Variants in SLC41A2 observed in about 807,000 individuals in gnomAD.
SLC41A2 encodes the protein SLC41A1-like 1.
A neutral mutation model predicts 58.3 loss-of-function variants in SLC41A2; 32 were observed. That is an observed-to-expected ratio of 0.55 (90% CI 0.41 to 0.74). SLC41A2 has a LOEUF of 0.74. SLC41A2 is among the 30% of genes least tolerant of loss of function. The pLI is 0.00. For missense variants in SLC41A2, 514 were observed against 680.6 expected (o/e 0.76, Z 2.72); for synonymous variants, 190 against 235.0 (o/e 0.81, Z 1.75).
chr12:104,898,930 T>C (rs75935712), intron 3 of SLC41A2, among the ~76,000 whole-genome samples: 25 of 152,100 alleles, frequency 1.6e-4, no homozygotes, highest in Non-Finnish European at 3.4e-4. Flanking sequence ...AAGATAGCAC[T>C]ACACACCTAT....
intron 1 of SLC41A2, among the ~76,000 whole-genome samples, chr12:104,946,072 T>A (rs559503045): frequency 5.9e-5 from 9 of 152,356 alleles, no homozygotes; most frequent in East Asian, 1.9e-4. Context: ...AAAATTTTTT[T>A]ATCTTTTTTG....
chr12:104,956,494 C>G (rs2048172205), intron 1 of SLC41A2, among the ~76,000 whole-genome samples: 1 of 152,170 alleles, frequency 6.6e-6, no homozygotes, highest in African/African-American at 2.4e-5. Context: ...ACCTGGCCAA[C>G]ATGGTGAAAC....
chr12:104,886,554 A>C, intron 5 of SLC41A2, 115 bp from the exon 6 acceptor site: 1 of 1,080,792 alleles, frequency 9.3e-7, no homozygotes, highest in South Asian at 1.7e-5. Flanking sequence ...TAGACTGCTT[A>C]GATAAGCTGA....
intron 6 of SLC41A2, among the ~76,000 whole-genome samples, chr12:104,884,153 G>T (rs2044535027): frequency 6.6e-6 from 1 of 152,250 alleles, no homozygotes; most frequent in Admixed American, 6.5e-5. Context: ...CAAGCCAAGT[G>T]TGGGATATAA....
At chr12:104,866,341 A>C in intron 7 of SLC41A2, 91 bp downstream of exon 7, 3 of 1,359,406 alleles carry the variant, frequency 2.2e-6, no homozygotes, top group South Asian at 2.3e-5. Flanking sequence ...ATATGCATGT[A>C]CATATATGCT....
chr12:104,845,831 A>G lies in SLC41A2; in HGVS notation c.1387+12T>C. 1 of 1,599,222 alleles carries G rather than the reference A, an allele frequency of 6.3e-7. No homozygotes were observed. Among genetic ancestry groups the G allele is most frequent in the South Asian group, 1.1e-5 (1 of 88,474 alleles). ...CTTGATCTAAAATATGCAAAAATCCATAAGCACATACCTGGACCAAAGAAA... is the reference window on the plus strand; with the variant it reads ...CTTGATCTAAAATATGCAAAAATCCGTAAGCACATACCTGGACCAAAGAAA... On this transcript the variant is annotated intron_variant, in intron 9 of 10. Transcript: ENST00000258538.
intron 4 of SLC41A2, among the ~76,000 whole-genome samples, chr12:104,894,588 C>A (rs947303673): frequency 2.6e-5 from 4 of 152,104 alleles, no homozygotes; most frequent in African/African-American, 9.7e-5. Flanking sequence ...ACATGAAATT[C>A]TGTTCCTGCA....
intron 2 of SLC41A2, among the ~76,000 whole-genome samples, chr12:104,925,910 A>C (rs926470297): frequency 1.4e-4 from 21 of 152,222 alleles, no homozygotes; most frequent in African/African-American, 5.1e-4. Flanking sequence ...TACTATAAGA[A>C]CCTAAAACAA....
At chr12:104,950,427 C>T (rs1436601438) in intron 1 of SLC41A2, among the ~76,000 whole-genome samples, 2 of 152,212 alleles carry the variant, frequency 1.3e-5, no homozygotes, top group Non-Finnish European at 2.9e-5. Context: ...CTTTGCTTCC[C>T]CTTCGCCTTC....
intron 4 of SLC41A2, among the ~76,000 whole-genome samples, chr12:104,893,937 A>G (rs1038486349): frequency 1.3e-5 from 2 of 151,914 alleles, no homozygotes; most frequent in Non-Finnish European, 2.9e-5. Flanking sequence ...CTAGTATTTG[A>G]TAGCATAACA....
chr12:104,810,231 G>A (rs1230728716), intron 10 of SLC41A2, among the ~76,000 whole-genome samples: 1 of 152,080 alleles, frequency 6.6e-6, no homozygotes, highest in African/African-American at 2.4e-5. Flanking sequence ...AACAAGTTAT[G>A]CAGTAAACTC....
At position 104,853,920 on chromosome 12, in the gene SLC41A2, T is replaced by A. The variant is rs1008373202; in HGVS notation, c.1255+7371A>T. ...TCACCATGCCTGGCTGATTTTTTTTTTTTTTTTTTTTTTTTTTTTAGTAGA... is the reference window on the plus strand; with the variant it reads ...TCACCATGCCTGGCTGATTTTTTTTATTTTTTTTTTTTTTTTTTTAGTAGA... On this transcript the variant is annotated intron_variant, in intron 8 of 10. Coordinates refer to ENST00000258538, the MANE Select transcript of SLC41A2 (RefSeq NM_001352171.3). 4.8e-3 allele frequency among the ~76,000 whole-genome samples: 381 copies of A among 78,788 alleles called. 1 individual carries two copies. Among genetic ancestry groups the A allele is most frequent in the Non-Finnish European group, 7.1e-3 (205 of 28,812 alleles). 51.7% of individuals were successfully genotyped at this position (78,788 alleles called of 152,430 possible). A position where few individuals can be genotyped will look rare whatever the true frequency, so the allele number is the denominator to read the frequency against.
rs1011381300 is a variant in SLC41A2, at chr12:104,802,531, CAA to C, written c.*2619_*2620del. 1 of 152,024 alleles carries C rather than the reference CAA, an allele frequency of 6.6e-6. No homozygotes were observed. The highest frequency in any genetic ancestry group is 1.5e-5 in the Non-Finnish European group (1 of 67,978). 9.4% of individuals were successfully genotyped at this position (152,024 alleles called of 1,614,324 possible). On this transcript the variant is annotated 3_prime_UTR_variant, in exon 11 of 11. Coordinates refer to ENST00000258538, the MANE Select transcript of SLC41A2 (RefSeq NM_001352171.3). Reference sequence around the variant, plus strand: ...GGTTGCTCTAACCAAGGTTGGGTAGCAAAAGAGAAAGGAGACAGAACTCTATC... The same window carrying C: ...GGTTGCTCTAACCAAGGTTGGGTAGCAAGAGAAAGGAGACAGAACTCTATC...
At chr12:104,859,328 G>A (rs532122188) in intron 8 of SLC41A2, among the ~76,000 whole-genome samples, 1 of 152,276 alleles carries the variant, frequency 6.6e-6, no homozygotes, top group Admixed American at 6.5e-5. Flanking sequence ...AGAATGACTA[G>A]GCTATTAGTG....
intron 1 of SLC41A2, among the ~76,000 whole-genome samples, chr12:104,936,940 A>G (rs772457840): frequency 6.6e-6 from 1 of 152,214 alleles, no homozygotes; most frequent in Non-Finnish European, 1.5e-5. Flanking sequence ...TAATATTTAA[A>G]GTTTATAAAG....
At chr12:104,896,679 C>T (rs1047600243) in intron 3 of SLC41A2, among the ~76,000 whole-genome samples, 5 of 152,120 alleles carry the variant, frequency 3.3e-5, no homozygotes, top group Non-Finnish European at 5.9e-5. Context: ...TACATACATT[C>T]GGGTCTAGGA....
chr12:104,861,386 TTA>T lies in SLC41A2; in HGVS notation c.1176-18_1176-17del. The T allele has an allele frequency of 6.3e-7, 1 of 1,581,314 alleles. No individual in the cohort carries two copies. Among genetic ancestry groups the T allele is most frequent in the Non-Finnish European group, 8.7e-7 (1 of 1,151,942 alleles). ...GCCCCCAATGCTGAAAGAGATAAAA[TTA>T]TATAATTTAGAGAAGAGGGAAGAGA... On this transcript the variant is annotated splice_polypyrimidine_tract_variant and intron_variant, in intron 7 of 10. Transcript: ENST00000258538.
At chr12:104,949,718 G>A (rs1228707616) in intron 1 of SLC41A2, among the ~76,000 whole-genome samples, 1 of 152,242 alleles carries the variant, frequency 6.6e-6, no homozygotes, top group East Asian at 1.9e-4. Flanking sequence ...TGAGTAGCTG[G>A]GATTACAGGC....
chr12:104,818,056 T>C (rs967146783), intron 10 of SLC41A2, among the ~76,000 whole-genome samples: 1 of 152,220 alleles, frequency 6.6e-6, no homozygotes, highest in African/African-American at 2.4e-5. Flanking sequence ...CACTCCACAA[T>C]GAATACATAT....
Sources: allele counts gnomAD v4.1 joint callset (sites outside exome capture counted in the v4.1 genomes callset), GRCh38; gene constraint gnomAD v4.1.1; transcripts MANE v1.5; gene names NCBI Gene and HGNC (gene_info 2026-07-23, HGNC 2026-07-21).